The following PARD3B variants were observed in gnomAD, a reference collection of about 807,000 sequenced individuals.
The protein encoded by PARD3B is partitioning defective 3 homolog B.
Under a neutral mutation model 130.2 loss-of-function variants are expected in PARD3B, and 103 were observed. The observed-to-expected ratio is 0.79, with a 90% CI of 0.67 to 0.93. The LOEUF is 0.93. PARD3B is among the 40% of genes least tolerant of loss of function. PARD3B has a pLI of 0.00. For missense variants in PARD3B, 1,609 were observed against 1,499.2 expected (o/e 1.07, Z -1.21); for synonymous variants, 583 against 553.2 (o/e 1.05, Z -0.76).
chr2:204,970,471 A>G (rs1691608927), intron 3 of PARD3B, among the ~76,000 whole-genome samples: 2 of 152,198 alleles, frequency 1.3e-5, no homozygotes, highest in South Asian at 4.1e-4. Flanking sequence ...CAGTTTCCTC[A>G]TCTATAAAAT....
intron 13 of PARD3B, among the ~76,000 whole-genome samples, chr2:205,184,324 G>T (rs2035971170): frequency 6.6e-6 from 1 of 152,122 alleles, no homozygotes; most frequent in Non-Finnish European, 1.5e-5. Flanking sequence ...CTGTCATTCA[G>T]GGACAAATCA....
At chr2:205,303,218 C>G (rs779506207) in intron 18 of PARD3B, among the ~76,000 whole-genome samples, 149 of 152,306 alleles carry the variant, frequency 9.8e-4, no homozygotes, top group Non-Finnish European at 1.9e-3. Context: ...ATTCCACCTT[C>G]TCCTATTTCT....
chr2:204,645,086 A>G (rs1211666317), intron 1 of PARD3B, among the ~76,000 whole-genome samples: 1 of 152,162 alleles, frequency 6.6e-6, no homozygotes, highest in Non-Finnish European at 1.5e-5. Flanking sequence ...ATTTGATATT[A>G]AAGCTGTGAG....
chr2:204,719,318 G>A (rs1201535244), intron 2 of PARD3B, among the ~76,000 whole-genome samples: 1 of 152,158 alleles, frequency 6.6e-6, no homozygotes, highest in Non-Finnish European at 1.5e-5. Flanking sequence ...AAGCCTAGTG[G>A]ATTAGCAAAC....
chr2:205,156,760 C>G (rs915274062), intron 10 of PARD3B, among the ~76,000 whole-genome samples: 1 of 152,110 alleles, frequency 6.6e-6, no homozygotes, highest in Non-Finnish European at 1.5e-5. Context: ...AGTAGTCAAT[C>G]ATTGTTAGCC....
chr2:204,935,314 G>A lies in PARD3B; in HGVS notation c.223-29838G>A, dbSNP rs943994654. On this transcript the variant is annotated intron_variant, in intron 2 of 22. Transcript: ENST00000406610. ...GGAGGCCAAGGCGGGCGGATCACAAGGTCAGGAGATCAAGACCATCCTGGC... is the reference window on the plus strand; with the variant it reads ...GGAGGCCAAGGCGGGCGGATCACAAAGTCAGGAGATCAAGACCATCCTGGC... Among the ~76,000 whole-genome samples the A allele has an allele frequency of 1.1e-3, 159 of 150,516 alleles. 1 individual carries two copies. The highest frequency in any genetic ancestry group is 3.6e-3 in the African/African-American group (150 of 41,154).
intron 2 of PARD3B, among the ~76,000 whole-genome samples, chr2:204,806,402 C>G (rs1478789465): frequency 1.3e-5 from 2 of 152,008 alleles, no homozygotes; most frequent in Non-Finnish European, 2.9e-5. Flanking sequence ...AGATAGTCTT[C>G]AATAAATAGT....
At chr2:204,676,373 T>G (rs1265233360) in intron 1 of PARD3B, among the ~76,000 whole-genome samples, 1 of 152,098 alleles carries the variant, frequency 6.6e-6, no homozygotes, top group Non-Finnish European at 1.5e-5. Context: ...GATGTTTTGT[T>G]GAATAGACTT....
At chr2:204,637,558 T>A (rs778012839) in intron 1 of PARD3B, among the ~76,000 whole-genome samples, 32 of 152,246 alleles carry the variant, frequency 2.1e-4, no homozygotes, top group South Asian at 4.1e-4. Context: ...TGGTGAAAAT[T>A]TTTGTGTACA....
chr2:205,225,657 C>T (rs1410925408), intron 15 of PARD3B, among the ~76,000 whole-genome samples: 3 of 152,114 alleles, frequency 2.0e-5, no homozygotes, highest in Non-Finnish European at 4.4e-5. Context: ...AAGAAACTTA[C>T]AATCATGGCA....
chr2:205,122,136 G>A lies in PARD3B; in HGVS notation c.1165+187G>A, dbSNP rs1196002671. Reference sequence around the variant, plus strand: ...ACTTTTTTATTCTTTTCTTCGGAGTGTATAGATTATTTTAAACAAGAAAAT... The same window carrying A: ...ACTTTTTTATTCTTTTCTTCGGAGTATATAGATTATTTTAAACAAGAAAAT... On this transcript the variant is annotated intron_variant, in intron 8 of 22. Transcript: ENST00000406610. The surrounding 1 kb of genome is among the most constrained non-coding windows in gnomAD (Gnocchi z 4.3). Among the ~76,000 whole-genome samples, 1 of 152,096 alleles carries A rather than the reference G, an allele frequency of 6.6e-6. No homozygotes were observed. Among genetic ancestry groups the A allele is most frequent in the African/African-American group, 2.4e-5 (1 of 41,406 alleles).
At position 205,575,809 on chromosome 2, in the gene PARD3B, A is replaced by G. The variant is rs2053738258; in HGVS notation, c.3260+22406A>G. ...TCTTGGTTGCCTCCAGGTTTTGACC[A>G]TTATGAATAAAGATGCTGTAAACGT... is the stretch of plus-strand genomic sequence containing the variant. On this transcript the variant is annotated intron_variant, in intron 22 of 22. Transcript: ENST00000406610. This position sits in a 1 kb window ranked among gnomAD's most constrained non-coding sequence, Gnocchi z 4.6. Among the ~76,000 whole-genome samples, 1 of 152,176 alleles carries G rather than the reference A, an allele frequency of 6.6e-6. No homozygotes were observed. The highest frequency in any genetic ancestry group is 2.4e-5 in the African/African-American group (1 of 41,454).
Position 205,473,709 on chromosome 2 carries a change from TACAC to T in PARD3B, c.3045-26180_3045-26177del, listed in dbSNP as rs1173773097. Among the ~76,000 whole-genome samples, 2 of 96,072 alleles carry T rather than the reference TACAC, an allele frequency of 2.1e-5. No individual in the cohort carries two copies. Among genetic ancestry groups the T allele is most frequent in the South Asian group, 2.7e-4 (1 of 3,662 alleles). 63.0% of individuals were successfully genotyped at this position (96,072 alleles called of 152,430 possible). On this transcript the variant is annotated intron_variant, in intron 20 of 22. Transcript: ENST00000406610. The surrounding 1 kb of genome is among the most constrained non-coding windows in gnomAD (Gnocchi z 4.9). ...GTATATATATATATATATATATATATACACACACACGTATATAAAACCCTAAATA... is the reference window on the plus strand; with the variant it reads ...GTATATATATATATATATATATATATACACACGTATATAAAACCCTAAATA...
intron 21 of PARD3B, among the ~76,000 whole-genome samples, chr2:205,533,722 GTTTT>G (rs370835765): frequency 0.011 from 1,662 of 151,992 alleles, 40 homozygotes; most frequent in African/African-American, 0.038. Context: ...GGTTTTGGGG[GTTTT>G]TTGTTTGTTT....
chr2:204,551,631 G>C (rs186912880), intron 1 of PARD3B, among the ~76,000 whole-genome samples: 27 of 152,060 alleles, frequency 1.8e-4, no homozygotes, highest in African/African-American at 6.5e-4. Context: ...TTGCTGAACC[G>C]GGTTTGGCTG....
At chr2:205,120,890 A>G (rs28474701) in intron 7 of PARD3B, among the ~76,000 whole-genome samples, 9,808 of 152,326 alleles carry the variant, frequency 0.064, 378 homozygotes, top group Middle Eastern at 0.18. Flanking sequence ...TGACCTGGGC[A>G]CAGGGCATCT....
intron 1 of PARD3B, among the ~76,000 whole-genome samples, chr2:204,557,472 A>G (rs144596250): frequency 5.5e-4 from 84 of 152,108 alleles, no homozygotes; most frequent in African/African-American, 2.0e-3. Context: ...CTTCCTCCTT[A>G]TCGTCTCTAC....
rs553710808 is a variant in PARD3B, at chr2:205,581,341, G to A, written c.3260+27938G>A. On this transcript the variant is annotated intron_variant, in intron 22 of 22. Coordinates refer to ENST00000406610, the MANE Select transcript of PARD3B (RefSeq NM_001302769.2). ...TGTCATTTATATCCCTGTCATATAC[G>A]TGTGTGTGTGTACGTGTGTGTACGT... Among the ~76,000 whole-genome samples, 19 of 145,594 alleles carry A rather than the reference G, an allele frequency of 1.3e-4. No individual in the cohort carries two copies. In the South Asian group the frequency reaches 1.7e-3, roughly 13 times the overall value.
intron 1 of PARD3B, among the ~76,000 whole-genome samples, chr2:204,600,247 A>C (rs2033455224): frequency 6.6e-6 from 1 of 151,632 alleles, no homozygotes; most frequent in Non-Finnish European, 1.5e-5. Flanking sequence ...CCTTTTTCAA[A>C]CCAATGTCTT....
Sources: gnomAD v4.1 joint callset for allele counts (sites outside exome capture counted in the v4.1 genomes callset) on GRCh38, gnomAD v4.1.1 for gene constraint, Gnocchi (gnomAD v3.1) non-coding constraint, MANE v1.5 for transcripts, NCBI Gene and HGNC (gene_info 2026-07-23, HGNC 2026-07-21) for gene names.